ZFC3H1: variants seen among roughly 807,000 people sequenced by gnomAD.
ZFC3H1 encodes zinc finger C3H1-type containing, also known as zinc finger C3H1 domain-containing protein.
In ZFC3H1, 71 loss-of-function variants were observed where a neutral mutation model predicts 243.7. The observed-to-expected ratio is 0.29, with a 90% CI of 0.24 to 0.36. The LOEUF (loss-of-function observed/expected upper bound fraction) is 0.36, where lower values mean the gene tolerates loss of function less well. Ranked by LOEUF, ZFC3H1 falls within the 10% of genes least tolerant of loss-of-function variation. The pLI is 1.00. For synonymous variants in ZFC3H1, 838 were observed against 813.0 expected, an observed-to-expected ratio of 1.03 and a Z score of -0.52; for missense variants, 1,966 against 2,317.1, an observed-to-expected ratio of 0.85 and a Z score of 3.11.
intron 27 of ZFC3H1, among the ~76,000 whole-genome samples, chr12:71,618,980 TAA>T (rs1049763522): frequency 1.3e-5 from 2 of 152,214 alleles, no homozygotes; most frequent in African/African-American, 4.8e-5. Flanking sequence ...ATACATTTTG[TAA>T]AAAATCACTG....
chr12:71,652,136 A>G (rs575300582), intron 2 of ZFC3H1, among the ~76,000 whole-genome samples: 1 of 152,354 alleles, frequency 6.6e-6, no homozygotes, highest in South Asian at 2.1e-4. Context: ...CAATAACATA[A>G]GTTTGACAGT....
Position 71,637,065 on chromosome 12 carries a change from T to C in ZFC3H1, c.1726-6A>G. On this transcript the variant is annotated splice_region_variant and splice_polypyrimidine_tract_variant and intron_variant, in intron 7 of 34. Coordinates refer to ENST00000378743, the MANE Select transcript of ZFC3H1 (RefSeq NM_144982.5). ...TGGCTCAAAGGTGGCAGAGACTATTTTTTAAAAAAAGAAAGAATTACAACG... is the reference window on the plus strand; with the variant it reads ...TGGCTCAAAGGTGGCAGAGACTATTCTTTAAAAAAAGAAAGAATTACAACG... 1 of 1,598,296 alleles carries C rather than the reference T, an allele frequency of 6.3e-7. No homozygotes were observed. The highest frequency in any genetic ancestry group is 8.5e-7 in the Non-Finnish European group (1 of 1,175,560).
At position 71,656,920 on chromosome 12, in the gene ZFC3H1, A is replaced by G. The variant is rs1363363931; in HGVS notation, c.980T>C (p.Leu327Pro). 1 of 1,613,042 alleles carries G rather than the reference A, an allele frequency of 6.2e-7. No homozygotes were observed. The highest frequency in any genetic ancestry group is 8.5e-7 in the Non-Finnish European group (1 of 1,179,624). The change falls in exon 2 of 35, where the codon CTT (leucine) becomes CCT (proline). Residue 327 changes from leucine to proline, a missense_variant. Leu to Pro is a moderately conservative substitution (Grantham distance 98). Transcript: ENST00000378743. ...ATCAGTAGTGTCGGATTTCAGGGAA[A>G]GTGGTTTTGCTCCATCTTTAACTTT... is the stretch of plus-strand genomic sequence containing the variant. Reference protein sequence around the residue: ...LKKVKDGAKPLSLKSDTTDSS... With the variant: ...LKKVKDGAKPPSLKSDTTDSS...
At chr12:71,626,052 C>G (rs1880157046) in intron 22 of ZFC3H1, among the ~76,000 whole-genome samples, 1 of 152,104 alleles carries the variant, frequency 6.6e-6, no homozygotes, top group Admixed American at 6.6e-5. Context: ...AAAATCACCT[C>G]TTCACTAAAT....
At chr12:71,643,412 CAA>C (rs879491340) in intron 5 of ZFC3H1, among the ~76,000 whole-genome samples, 3 of 136,290 alleles carry the variant, frequency 2.2e-5, no homozygotes, top group Non-Finnish European at 1.6e-5. Flanking sequence ...GACTCCATCT[CAA>C]AAAAAAAAAA....
At chr12:71,636,368 A>G (rs1880461105) in intron 9 of ZFC3H1, 122 bp downstream of exon 9, 1 of 698,444 alleles carries the variant, frequency 1.4e-6, no homozygotes, top group Non-Finnish European at 2.1e-6. Context: ...AAAAATTTGT[A>G]TTTATATGTG....
chr12:71,615,358 C>T, intron 27 of ZFC3H1, 42 bp from the exon 28 acceptor site: 2 of 1,272,692 alleles, frequency 1.6e-6, no homozygotes, highest in Non-Finnish European at 1.1e-6. Context: ...TTACACCTAC[C>T]CACACAGGAA....
At chr12:71,658,611 AG>A in intron 1 of ZFC3H1, among the ~76,000 whole-genome samples, 1 of 152,236 alleles carries the variant, frequency 6.6e-6, no homozygotes, top group South Asian at 2.1e-4. Context: ...TCAGTTGGCT[AG>A]GATGTAAAAT....
In ZFC3H1 at chr12:71,622,842, A is replaced by T. The variant is rs1159051588; in HGVS notation, c.4744+518T>A. Among the ~76,000 whole-genome samples the T allele has an allele frequency of 3.9e-5, 6 of 152,210 alleles. No individual in the cohort carries two copies. The South Asian group carries it at 8.3e-4, about 21-fold the overall frequency. On this transcript the variant is annotated intron_variant, in intron 24 of 34. Transcript: ENST00000378743. Reference sequence around the variant, plus strand: ...CCTTGTATGTTTAATAATTATGACAAATGTATAGATTTTATCTTCTGACTA... The same window carrying T: ...CCTTGTATGTTTAATAATTATGACATATGTATAGATTTTATCTTCTGACTA...
At chr12:71,647,028 G>C (rs558277358) in intron 3 of ZFC3H1, among the ~76,000 whole-genome samples, 37 of 152,232 alleles carry the variant, frequency 2.4e-4, no homozygotes, top group African/African-American at 8.4e-4. Context: ...TATTGTGAGG[G>C]TATTAAAAAA....
chr12:71,656,399 T>C, intron 2 of ZFC3H1: 1 of 524,240 alleles, frequency 1.9e-6, no homozygotes, highest in Non-Finnish European at 3.3e-6. Flanking sequence ...GGTGGTTTAA[T>C]ACTAGAAATA....
intron 26 of ZFC3H1, among the ~76,000 whole-genome samples, 197 bp downstream of exon 26, chr12:71,619,729 G>T (rs17110014): frequency 0.058 from 8,828 of 152,140 alleles, 356 homozygotes; most frequent in South Asian, 0.087. Flanking sequence ...TTGCCTTCAA[G>T]AAGTTTAGTA....
intron 5 of ZFC3H1, among the ~76,000 whole-genome samples, chr12:71,642,875 T>G (rs1378560645): frequency 1.3e-5 from 2 of 152,208 alleles, no homozygotes; most frequent in Non-Finnish European, 2.9e-5. Context: ...ACTTATGACT[T>G]CTGTATGATT....
chr12:71,637,957 GA>G (rs754428637), intron 7 of ZFC3H1, among the ~76,000 whole-genome samples: 22 of 151,986 alleles, frequency 1.4e-4, no homozygotes, highest in East Asian at 5.8e-4. Context: ...AGATGGGGGG[GA>G]AAAGAAATTA....
intron 3 of ZFC3H1, among the ~76,000 whole-genome samples, chr12:71,646,628 T>C (rs1269685843): frequency 1.3e-5 from 2 of 152,232 alleles, no homozygotes; most frequent in African/African-American, 4.8e-5. Context: ...AATTATTTAA[T>C]TTTTTTCAAC....
chr12:71,624,343 A>G, intron 22 of ZFC3H1, 51 bp from the exon 23 acceptor site: 2 of 1,491,698 alleles, frequency 1.3e-6, no homozygotes, highest in South Asian at 1.3e-5. Flanking sequence ...GAATAAACCA[A>G]AACTACAGAC....
Position 71,663,646 on chromosome 12 carries a change from C to G in ZFC3H1, c.-36G>C. ...GCGCCTTCCACACAACCTTAGCCCTCCGTCCGGGGATCCGCCCGACAATTG... is the reference window on the plus strand; with the variant it reads ...GCGCCTTCCACACAACCTTAGCCCTGCGTCCGGGGATCCGCCCGACAATTG... On this transcript the variant is annotated 5_prime_UTR_variant, in exon 1 of 35. Coordinates refer to ENST00000378743, the MANE Select transcript of ZFC3H1 (RefSeq NM_144982.5). 2 of 1,582,306 alleles carry G rather than the reference C, an allele frequency of 1.3e-6. No homozygotes were observed. Among genetic ancestry groups the G allele is most frequent in the Middle Eastern group, 1.7e-4 (1 of 5,924 alleles).
At chr12:71,629,556 TACACAC>T (rs35067681) in intron 19 of ZFC3H1, 47 bp downstream of exon 19, 1,337 of 690,858 alleles carry the variant, frequency 1.9e-3, no homozygotes, top group East Asian at 4.6e-3. Context: ...AGAGATACAG[TACACAC>T]ACACACACAC....
At chr12:71,651,552 T>C (rs557051503) in intron 2 of ZFC3H1, among the ~76,000 whole-genome samples, 4 of 152,298 alleles carry the variant, frequency 2.6e-5, no homozygotes, top group Non-Finnish European at 4.4e-5. Context: ...ATAAAAAACA[T>C]CCACTAAAAT....
Sources: gnomAD v4.1 joint callset for allele counts (sites outside exome capture counted in the v4.1 genomes callset) on GRCh38, gnomAD v4.1.1 for gene constraint, MANE v1.5 for transcripts, NCBI Gene and HGNC (gene_info 2026-07-23, HGNC 2026-07-21) for gene names.